The following DAB1 variants were observed in gnomAD, a reference collection of about 807,000 sequenced individuals.
The protein encoded by DAB1 is DAB adaptor protein 1.
In DAB1, 15 loss-of-function variants were observed where a neutral mutation model predicts 64.6. The observed-to-expected ratio is 0.23, with a 90% confidence interval of 0.16 to 0.36. DAB1 has a LOEUF of 0.36. Ranked by LOEUF, DAB1 falls within the 10% of genes least tolerant of loss-of-function variation. The pLI, the probability that DAB1 is intolerant of heterozygous loss-of-function variation, is 1.00. For missense variants in DAB1, 596 were observed against 706.7 expected, an observed-to-expected ratio of 0.84 and a Z score of 1.78; for synonymous variants, 235 against 251.9, an observed-to-expected ratio of 0.93 and a Z score of 0.64.
At chr1:58,248,340 A>G (rs1321947886) in intron 4 of DAB1, among the ~76,000 whole-genome samples, 1 of 152,188 alleles carries the variant, frequency 6.6e-6, no homozygotes, top group Non-Finnish European at 1.5e-5. Flanking sequence ...AGAAAAAGAA[A>G]AAGCCATAAA....
At chr1:57,617,317 A>G (rs537270929) in intron 7 of DAB1, among the ~76,000 whole-genome samples, 4 of 151,956 alleles carry the variant, frequency 2.6e-5, no homozygotes, top group Non-Finnish European at 5.9e-5. Flanking sequence ...CTCAATTCAC[A>G]CTGCAGTGGC....
chr1:57,801,955 G>T (rs996613474), intron 6 of DAB1, among the ~76,000 whole-genome samples: 14 of 152,294 alleles, frequency 9.2e-5, no homozygotes, highest in African/African-American at 2.6e-4. Context: ...ACTGCACCGG[G>T]CAGAATATTA....
At chr1:57,566,859 T>C (rs1490093602) in intron 7 of DAB1, among the ~76,000 whole-genome samples, 1 of 152,206 alleles carries the variant, frequency 6.6e-6, no homozygotes, top group Admixed American at 6.5e-5. Flanking sequence ...AAGAAGGAGC[T>C]GGTACCATTC....
chr1:58,031,739 G>A (rs1646973224), intron 5 of DAB1, among the ~76,000 whole-genome samples: 1 of 152,116 alleles, frequency 6.6e-6, no homozygotes, highest in South Asian at 2.1e-4. Flanking sequence ...AAAGGGAAAG[G>A]TTTGCTTTGA....
chr1:57,716,669 CAG>C (rs1647087949), intron 6 of DAB1, among the ~76,000 whole-genome samples: 1 of 152,072 alleles, frequency 6.6e-6, no homozygotes, highest in East Asian at 1.9e-4. Flanking sequence ...TAAAATCAAA[CAG>C]GGCAAGGATT....
intron 7 of DAB1, among the ~76,000 whole-genome samples, chr1:57,557,669 G>A (rs762691766): frequency 2.6e-5 from 4 of 152,082 alleles, no homozygotes; most frequent in South Asian, 2.1e-4. Context: ...GGAGAACACC[G>A]ACAGTCCTTG....
chr1:57,567,849 C>T (rs183148971), intron 7 of DAB1, among the ~76,000 whole-genome samples: 75 of 152,240 alleles, frequency 4.9e-4, no homozygotes, highest in African/African-American at 1.7e-3. Flanking sequence ...GGCCATACTG[C>T]CCAAGGTAAT....
chr1:57,518,980 T>C (rs1310310568), intron 7 of DAB1, among the ~76,000 whole-genome samples: 3 of 152,210 alleles, frequency 2.0e-5, no homozygotes, highest in Non-Finnish European at 2.9e-5. Context: ...TTGTTCATTC[T>C]CTTAGTATCG....
intron 2 of DAB1, among the ~76,000 whole-genome samples, chr1:57,223,537 TAC>T: frequency 6.6e-6 from 1 of 152,286 alleles, no homozygotes; most frequent in Non-Finnish European, 1.5e-5. Context: ...CAGAGCTACG[TAC>T]ATCATTAAGT....
At chr1:57,501,714 T>A (rs1444645152) in intron 7 of DAB1, among the ~76,000 whole-genome samples, 6 of 152,176 alleles carry the variant, frequency 3.9e-5, no homozygotes. Flanking sequence ...TTAGTTCTCA[T>A]TACATGACAA....
chr1:58,106,631 G>A (rs985261509), intron 5 of DAB1, among the ~76,000 whole-genome samples: 5 of 152,178 alleles, frequency 3.3e-5, no homozygotes, highest in Admixed American at 6.5e-5. Flanking sequence ...CTGAAATTGT[G>A]GCTTTATGAC....
At chr1:57,536,353 A>T (rs917053711) in intron 7 of DAB1, among the ~76,000 whole-genome samples, 1 of 152,214 alleles carries the variant, frequency 6.6e-6, no homozygotes, top group African/African-American at 2.4e-5. Flanking sequence ...GACAGATGGG[A>T]TCATTCGAAT....
rs559824361 is a variant in DAB1, at chr1:58,388,773, A to T, written n.258-45370T>A. On this transcript the variant is annotated intron_variant and non_coding_transcript_variant, in intron 3 of 20. Coordinates refer to the DAB1 transcript ENST00000485760. ...GTGCATTCTCAGGCTCTTTACCGCAATTTTTTACCCTCGGAGTCATTAAAG... is the reference window on the plus strand; with the variant it reads ...GTGCATTCTCAGGCTCTTTACCGCATTTTTTTACCCTCGGAGTCATTAAAG... Among the ~76,000 whole-genome samples the T allele has an allele frequency of 2.0e-3, 310 of 152,276 alleles. 2 individuals carry two copies. Among genetic ancestry groups the T allele is most frequent in the Middle Eastern group, 3.4e-3 (1 of 294 alleles).
intron 6 of DAB1, among the ~76,000 whole-genome samples, chr1:57,698,733 T>C (rs1646874805): frequency 4.6e-5 from 7 of 152,316 alleles, no homozygotes. Flanking sequence ...TATATATCAA[T>C]AGTCTGATCA....
intron 7 of DAB1, among the ~76,000 whole-genome samples, chr1:57,589,674 T>C (rs141128596): frequency 7.9e-5 from 12 of 152,164 alleles, no homozygotes; most frequent in African/African-American, 2.9e-4. Context: ...AGAGTATCAC[T>C]TGAATCCAGG....
chr1:57,798,850 A>G (rs1327549414), intron 6 of DAB1, among the ~76,000 whole-genome samples: 1 of 152,206 alleles, frequency 6.6e-6, no homozygotes, highest in African/African-American at 2.4e-5. Context: ...GTTTGACAGA[A>G]AGGGGAAATT....
intron 1 of DAB1, among the ~76,000 whole-genome samples, chr1:57,873,713 C>A (rs1232782049): frequency 6.6e-6 from 1 of 152,154 alleles, no homozygotes; most frequent in African/African-American, 2.4e-5. Context: ...CAGCATGTTT[C>A]TTAGCCCTCT....
intron 4 of DAB1, among the ~76,000 whole-genome samples, chr1:58,279,691 C>T (rs1661513524): frequency 6.6e-6 from 1 of 152,154 alleles, no homozygotes. Context: ...TATAGGAAGT[C>T]TTTCTTCTCA....
At chr1:57,045,998 C>T (rs939004300) in intron 9 of DAB1, among the ~76,000 whole-genome samples, 1 of 152,170 alleles carries the variant, frequency 6.6e-6, no homozygotes, top group Non-Finnish European at 1.5e-5. Context: ...CTCTATTTCC[C>T]TCTCCTTAGC....
Sources: gnomAD v4.1 joint callset for allele counts (sites outside exome capture counted in the v4.1 genomes callset) on GRCh38, gnomAD v4.1.1 for gene constraint, MANE v1.5 for transcripts, NCBI Gene and HGNC (gene_info 2026-07-23, HGNC 2026-07-21) for gene names.